SWSAP1: variants seen among roughly 807,000 people sequenced by gnomAD.
SWSAP1 encodes the protein ATPase SWSAP1.
A neutral mutation model predicts 5.6 loss-of-function variants in SWSAP1; 4 were observed. The observed-to-expected ratio is 0.72, with a 90% CI of 0.35 to 1.64. The LOEUF is 1.64. Among genes scored for constraint, SWSAP1 ranks in the 40% most tolerant of loss-of-function variants. The pLI is 0.05. For synonymous variants in SWSAP1, 139 were observed against 143.3 expected, an observed-to-expected ratio of 0.97 and a Z score of 0.22; for missense variants, 354 against 319.8, an observed-to-expected ratio of 1.11 and a Z score of -0.82.
chr19:11,375,940 T>G lies in SWSAP1; in HGVS notation c.677T>G (p.Met226Arg), dbSNP rs1355029652. 2.9e-5 allele frequency: 47 copies of G among 1,613,280 alleles called. No homozygotes were observed. The highest frequency in any genetic ancestry group is 3.9e-5 in the Non-Finnish European group (46 of 1,179,920). Residue 226 changes from methionine (M) to arginine (R), a missense_variant, in exon 2 of 2, where the codon ATG becomes AGG. Physicochemically the swap from Met to Arg is moderately conservative, Grantham distance 91. Coordinates refer to ENST00000674460, the MANE Select transcript of SWSAP1 (RefSeq NM_175871.4). ...GTGACTTTCCGATCAGATGGAGAAA[T>G]GATGATCGCTCCGTGGCCCACCCAG... Reference protein sequence around the residue: ...WWVTFRSDGEMMIAPWPTQAG... With the variant: ...WWVTFRSDGERMIAPWPTQAG...
Position 11,376,049 on chromosome 19 carries a change from G to C in SWSAP1, c.*33G>C. The stretch of plus-strand genomic sequence containing the variant: ...TGGGTGACTACCTCTCTGTGCTTCA[G>C]TTTCCCATGGCTGGAATACTTACCT... On this transcript the variant is annotated 3_prime_UTR_variant, in exon 2 of 2. Transcript: ENST00000674460. The C allele has an allele frequency of 6.5e-7, 1 of 1,530,226 alleles. No individual in the cohort carries two copies. The highest frequency in any genetic ancestry group is 1.2e-5 in the South Asian group (1 of 81,242). The allele number at this position is 1,530,226 out of a possible 1,614,324, so 94.8% of individuals were successfully genotyped here.
rs762412070 is a variant in SWSAP1, at chr19:11,374,846, G to A, written c.166G>A (p.Gly56Ser). 2.5e-5 allele frequency: 40 copies of A among 1,613,870 alleles called. No homozygotes were observed. The highest frequency in any genetic ancestry group is 3.0e-5 in the Non-Finnish European group (35 of 1,180,000). Residue 56 changes from glycine to serine, a missense_variant, in exon 1 of 2, where the codon GGC (glycine) becomes AGC (serine). Coordinates refer to ENST00000674460, the MANE Select transcript of SWSAP1 (RefSeq NM_175871.4). ...AALEAAGEGQGPVLFLTRRPL... is the reference protein window; with the variant it reads ...AALEAAGEGQSPVLFLTRRPL... ...CCTAGAGGCGGCGGGGGAGGGCCAA[G>A]GCCCAGTCCTCTTCCTGACACGAAG... is the stretch of plus-strand genomic sequence containing the variant.
In SWSAP1 at chr19:11,374,741, A is replaced by C; in HGVS notation, c.61A>C (p.Asn21His). ...CGGTGCGGCCTGGTCCGGGGAGGAG[A>C]ACATGCCTGCCGCCGGACCGCCTTT... ...RGGAAWSGEE[N>H]MPAAGPPLLL... Residue 21 changes from asparagine to histidine, a missense_variant, in exon 1 of 2, where the codon AAC becomes CAC. Coordinates refer to ENST00000674460, the MANE Select transcript of SWSAP1 (RefSeq NM_175871.4). The C allele has an allele frequency of 6.2e-7, 1 of 1,608,664 alleles. No homozygotes were observed. The highest frequency in any genetic ancestry group is 8.5e-7 in the Non-Finnish European group (1 of 1,178,516).
intron 1 of SWSAP1, 44 bp from the exon 2 acceptor site, chr19:11,375,469 T>G (rs1968265542): frequency 6.4e-7 from 1 of 1,560,652 alleles, no homozygotes; most frequent in East Asian, 2.3e-5. Flanking sequence ...GGAGTCTGGC[T>G]TCCTGTGCTG....
chr19:11,374,828 G>C lies in SWSAP1; in HGVS notation c.148G>C (p.Ala50Pro). ...TALLFAAALEAAGEGQGPVLF... is the reference protein window; with the variant it reads ...TALLFAAALEPAGEGQGPVLF... ...GCTGCTATTTGCTGCGGCCCTAGAG[G>C]CGGCGGGGGAGGGCCAAGGCCCAGT... The change falls in exon 1 of 2, where the codon GCG (alanine) becomes CCG (proline). Residue 50 changes from alanine (A) to proline (P), a missense_variant. Transcript: ENST00000674460. 6.2e-7 allele frequency: 1 copy of C among 1,613,928 alleles called. No homozygotes were observed. Among genetic ancestry groups the C allele is most frequent in the Non-Finnish European group, 8.5e-7 (1 of 1,179,918 alleles).
Position 11,375,825 on chromosome 19 carries a change from T to C in SWSAP1, c.562T>C (p.Trp188Arg), listed in dbSNP as rs1305050879. ...LLQRYFPAQC[W>R]LQPDAPGPGE... is the part of the protein sequence containing the mutation. ...CCAGCGGTATTTTCCTGCCCAGTGCTGGCTGCAGCCAGATGCACCAGGTCC... is the reference window on the plus strand; with the variant it reads ...CCAGCGGTATTTTCCTGCCCAGTGCCGGCTGCAGCCAGATGCACCAGGTCC... Residue 188 changes from tryptophan to arginine, a missense_variant, in exon 2 of 2, where the codon TGG becomes CGG. By Grantham distance (101) the Trp-to-Arg change is moderately radical. Coordinates refer to ENST00000674460, the MANE Select transcript of SWSAP1 (RefSeq NM_175871.4). 6.2e-7 allele frequency: 1 copy of C among 1,614,190 alleles called. No individual in the cohort carries two copies. Among genetic ancestry groups the C allele is most frequent in the Non-Finnish European group, 8.5e-7 (1 of 1,180,036 alleles).
rs1485819032 is a variant in SWSAP1 at position 11,376,085 on chromosome 19, T to C, written c.*69T>C. 17 of 1,376,702 alleles carry C rather than the reference T, an allele frequency of 1.2e-5. No homozygotes were observed. Among genetic ancestry groups the C allele is most frequent in the Non-Finnish European group, 1.7e-5 (17 of 1,028,458 alleles). 85.3% of individuals were successfully genotyped at this position (1,376,702 alleles called of 1,614,324 possible). On this transcript the variant is annotated 3_prime_UTR_variant, in exon 2 of 2. Coordinates refer to ENST00000674460, the MANE Select transcript of SWSAP1 (RefSeq NM_175871.4). ...CTGGAATACTTACCTCAGGGACATA[T>C]GCAGATCCAAAGACCTAAACAATGT... is the stretch of plus-strand genomic sequence containing the variant.
In SWSAP1 at chr19:11,375,871, C is replaced by A. The variant is rs750835841; in HGVS notation, c.608C>A (p.Ala203Asp). Residue 203 changes from alanine to aspartate, a missense_variant, in exon 2 of 2, where the codon GCC becomes GAC. Ala to Asp is a moderately radical substitution (Grantham distance 126, BLOSUM62 -2). Coordinates refer to ENST00000674460, the MANE Select transcript of SWSAP1 (RefSeq NM_175871.4). ...APGPGEHGLR[A>D]CLEPGGLGPR... is the part of the protein sequence containing the mutation. ...GGTCCAGGAGAGCACGGCCTCCGAG[C>A]CTGCCTGGAGCCAGGCGGGCTGGGC... The A allele has an allele frequency of 6.2e-6, 10 of 1,614,012 alleles. No homozygotes were observed. The highest frequency in any genetic ancestry group is 8.5e-6 in the Non-Finnish European group (10 of 1,180,032).
chr19:11,376,002 G>A lies in SWSAP1; in HGVS notation c.739G>A (p.Gly247Arg). 6.2e-7 allele frequency: 1 copy of A among 1,601,680 alleles called. No individual in the cohort carries two copies. Among genetic ancestry groups the A allele is most frequent in the Non-Finnish European group, 8.5e-7 (1 of 1,172,968 alleles). ...DPSSGKGSSS[G>R]GQP ...CAGCTCAGGCAAGGGTTCAAGCTCTGGAGGCCAGCCCTGAGCTTTGGTGGG... is the reference window on the plus strand; with the variant it reads ...CAGCTCAGGCAAGGGTTCAAGCTCTAGAGGCCAGCCCTGAGCTTTGGTGGG... The change falls in exon 2 of 2, where the codon GGA becomes AGA. Residue 247 changes from glycine to arginine, a missense_variant. Physicochemically the swap from Gly to Arg is moderately radical, Grantham distance 125 (BLOSUM62 -2). Coordinates refer to ENST00000674460, the MANE Select transcript of SWSAP1 (RefSeq NM_175871.4).
chr19:11,375,479 G>A, intron 1 of SWSAP1, 34 bp from the exon 2 acceptor site: 2 of 1,572,896 alleles, frequency 1.3e-6, no homozygotes, highest in Non-Finnish European at 8.6e-7. Flanking sequence ...TTCCTGTGCT[G>A]AATCCGGCCC....
rs746076143 is a variant in SWSAP1 at position 11,374,735 on chromosome 19, G to A, written c.55G>A (p.Glu19Lys). ...CAGGGGCGGTGCGGCCTGGTCCGGGGAGGAGAACATGCCTGCCGCCGGACC... is the reference window on the plus strand; with the variant it reads ...CAGGGGCGGTGCGGCCTGGTCCGGGAAGGAGAACATGCCTGCCGCCGGACC... Reference protein sequence around the residue: ...LTRGGAAWSGEENMPAAGPPL... With the variant: ...LTRGGAAWSGKENMPAAGPPL... Residue 19 changes from glutamate to lysine, a missense_variant, in exon 1 of 2, where the codon GAG becomes AAG. Coordinates refer to ENST00000674460, the MANE Select transcript of SWSAP1 (RefSeq NM_175871.4). The A allele has an allele frequency of 6.2e-7, 1 of 1,606,864 alleles. No homozygotes were observed. Among genetic ancestry groups the A allele is most frequent in the African/African-American group, 1.3e-5 (1 of 74,796 alleles).
Position 11,375,882 on chromosome 19 carries a change from C to G in SWSAP1, c.619C>G (p.Pro207Ala). The G allele has an allele frequency of 6.2e-7, 1 of 1,614,146 alleles. No individual in the cohort carries two copies. The highest frequency in any genetic ancestry group is 1.3e-5 in the African/African-American group (1 of 75,060). Residue 207 changes from proline (P) to alanine (A), a missense_variant, in exon 2 of 2, where the codon CCA becomes GCA. Transcript: ENST00000674460. The part of the protein sequence containing the change: ...GEHGLRACLE[P>A]GGLGPRTEWW... ...GCACGGCCTCCGAGCCTGCCTGGAG[C>G]CAGGCGGGCTGGGCCCCAGAACAGA...
chr19:11,375,532 C>T lies in SWSAP1; in HGVS notation c.269C>T (p.Pro90Leu), dbSNP rs1968266755. The T allele has an allele frequency of 6.2e-7, 1 of 1,611,224 alleles. No individual in the cohort carries two copies. Among genetic ancestry groups the T allele is most frequent in the African/African-American group, 1.3e-5 (1 of 74,878 alleles). ...TTCTAGAAGATCCGCTTCCAGTACC[C>T]ACCCTCAACCCGAGAGCTTTTCCGG... is the stretch of plus-strand genomic sequence containing the variant. Reference protein sequence around the residue: ...MRLQKIRFQYPPSTRELFRLL... With the variant: ...MRLQKIRFQYLPSTRELFRLL... Residue 90 changes from proline to leucine, a missense_variant, in exon 2 of 2, where the codon CCA becomes CTA. Physicochemically the swap from Pro to Leu is moderately conservative, Grantham distance 98. Transcript: ENST00000674460.
chr19:11,375,927 T>G lies in SWSAP1; in HGVS notation c.664T>G (p.Ser222Ala), dbSNP rs1384132723. 3 of 1,613,668 alleles carry G rather than the reference T, an allele frequency of 1.9e-6. No individual in the cohort carries two copies. The highest frequency in any genetic ancestry group is 2.5e-6 in the Non-Finnish European group (3 of 1,179,982). ...PRTEWWVTFR[S>A]DGEMMIAPWP... is the part of the protein sequence containing the mutation. ...AACAGAGTGGTGGGTGACTTTCCGA[T>G]CAGATGGAGAAATGATGATCGCTCC... The change falls in exon 2 of 2, where the codon TCA becomes GCA. Residue 222 changes from serine to alanine, a missense_variant. Transcript: ENST00000674460.
chr19:11,374,996 C>G, intron 1 of SWSAP1, 67 bp downstream of exon 1: 2 of 1,582,094 alleles, frequency 1.3e-6, no homozygotes, highest in Non-Finnish European at 1.7e-6. Context: ...TATTGAGTAA[C>G]AGGTAGACAA....
chr19:11,375,393 T>C, intron 1 of SWSAP1, 120 bp from the exon 2 acceptor site: 1 of 1,481,564 alleles, frequency 6.7e-7, no homozygotes, highest in East Asian at 2.3e-5. Flanking sequence ...TAAGAATATT[T>C]AACAGCTCTG....
At chr19:11,375,074 G>A (rs959054896) in intron 1 of SWSAP1, 145 bp downstream of exon 1, 6 of 1,014,098 alleles carry the variant, frequency 5.9e-6, no homozygotes, top group Non-Finnish European at 7.3e-6. Context: ...GGCAGGCGGA[G>A]TGAGGAGTGG....
Position 11,375,619 on chromosome 19 carries a change from T to G in SWSAP1, c.356T>G (p.Leu119Arg). 6.2e-7 allele frequency: 1 copy of G among 1,614,130 alleles called. No homozygotes were observed. Among genetic ancestry groups the G allele is most frequent in the Non-Finnish European group, 8.5e-7 (1 of 1,180,028 alleles). The change falls in exon 2 of 2, where the codon CTA becomes CGA. Residue 119 changes from leucine (L) to arginine (R), a missense_variant. Transcript: ENST00000674460. The stretch of plus-strand genomic sequence containing the variant: ...CCCTCCCTTCTGCTGCTCGACGGCC[T>G]AGAAGAGTACCTAGCGGAAGACCCA... ...PAPSLLLLDGLEEYLAEDPEP... is the reference protein window; with the variant it reads ...PAPSLLLLDGREEYLAEDPEP...
At chr19:11,375,406 C>T in intron 1 of SWSAP1, 107 bp from the exon 2 acceptor site, 1 of 1,494,980 alleles carries the variant, frequency 6.7e-7, no homozygotes, top group South Asian at 1.3e-5. Context: ...CAGCTCTGAA[C>T]TGGTTCATCC....
Sources: gnomAD v4.1 joint callset for allele counts on GRCh38, gnomAD v4.1.1 for gene constraint, MANE v1.5 for transcripts, NCBI Gene and HGNC (gene_info 2026-07-23, HGNC 2026-07-21) for gene names.